Variants in SLC16A12 observed in about 807,000 individuals in gnomAD.
SLC16A12 encodes the protein monocarboxylate transporter 12.
A neutral mutation model predicts 42.4 loss-of-function variants in SLC16A12; 17 were observed. The observed-to-expected ratio is 0.40, with a 90% CI of 0.27 to 0.60. The LOEUF (loss-of-function observed/expected upper bound fraction) is 0.60, where lower values mean the gene tolerates loss of function less well. Among genes scored for constraint, SLC16A12 ranks in the 20% least tolerant of loss-of-function variants. SLC16A12 has a pLI of 0.42. For synonymous variants in SLC16A12, 224 were observed against 229.4 expected, an observed-to-expected ratio of 0.98 and a Z score of 0.21; for missense variants, 544 against 623.0, an observed-to-expected ratio of 0.87 and a Z score of 1.35.
chr10:89,545,059 A>G (rs1293035042), intron 2 of SLC16A12, among the ~76,000 whole-genome samples: 1 of 152,140 alleles, frequency 6.6e-6, no homozygotes, highest in Non-Finnish European at 1.5e-5. Context: ...CTGCACTGCT[A>G]TGAGAACAAG....
In SLC16A12 at chr10:89,526,778, C is replaced by T. The variant is rs905440184; in HGVS notation, c.-47+7723G>A. Among the ~76,000 whole-genome samples, 15 of 152,202 alleles carry T rather than the reference C, an allele frequency of 9.9e-5. No individual in the cohort carries two copies. In the East Asian group the frequency reaches 2.7e-3, roughly 27 times the overall value. On this transcript the variant is annotated intron_variant, in intron 2 of 7. Transcript: ENST00000371790. ...GGTCCGCCACCCATTGCCCTCATGCCCTGTAACACAGCTCCAGAGGTGCTC... is the reference window on the plus strand; with the variant it reads ...GGTCCGCCACCCATTGCCCTCATGCTCTGTAACACAGCTCCAGAGGTGCTC...
At position 89,438,918 on chromosome 10, in the gene SLC16A12, C is replaced by T. The variant is rs768390955; in HGVS notation, c.714G>A (p.Gln238=). The change falls in exon 6 of 8, where the codon CAG becomes CAA. Residue 238 remains glutamine, a synonymous_variant. Coordinates refer to ENST00000371790, the MANE Select transcript of SLC16A12 (RefSeq NM_213606.4). ...CTTTCTGAGTTCTACACACATGGTT[C>T]TGCTCTGGAGTTGTGTGGTCCTCTT... ...TLKEDHTTPE[Q]NHVCRTQKED... 1 of 1,614,218 alleles carries T rather than the reference C, an allele frequency of 6.2e-7. No individual in the cohort carries two copies. The highest frequency in any genetic ancestry group is 8.5e-7 in the Non-Finnish European group (1 of 1,180,032).
intron 5 of SLC16A12, among the ~76,000 whole-genome samples, chr10:89,439,734 A>G (rs1841871341): frequency 6.6e-6 from 1 of 152,164 alleles, no homozygotes; most frequent in African/African-American, 2.4e-5. Context: ...ATATCTCTTA[A>G]GGTCAGCAGA....
upstream of SLC16A12, among the ~76,000 whole-genome samples, chr10:89,536,201 C>T (rs906339118): frequency 2.0e-5 from 3 of 152,160 alleles, no homozygotes; most frequent in African/African-American, 7.2e-5. Context: ...CCCTCAGGGT[C>T]AAAGAGCAAG....
chr10:89,439,287 C>G, intron 5 of SLC16A12, 104 bp from the exon 6 acceptor site: 1 of 1,210,362 alleles, frequency 8.3e-7, no homozygotes, highest in Non-Finnish European at 1.2e-6. Context: ...TCTCATTAAA[C>G]CCTTTTAAAG....
intron 2 of SLC16A12, among the ~76,000 whole-genome samples, chr10:89,473,509 T>A (rs1038910230): frequency 6.6e-6 from 1 of 152,224 alleles, no homozygotes; most frequent in Non-Finnish European, 1.5e-5. Flanking sequence ...CAAAGGTTTT[T>A]TAGAGAGGAC....
intron 2 of SLC16A12, among the ~76,000 whole-genome samples, chr10:89,486,912 A>G (rs1276209409): frequency 6.6e-6 from 1 of 152,240 alleles, no homozygotes; most frequent in Non-Finnish European, 1.5e-5. Context: ...TCAAAAAGCA[A>G]CAGATACAGT....
intron 2 of SLC16A12, among the ~76,000 whole-genome samples, chr10:89,492,572 C>G (rs1192104732): frequency 6.6e-6 from 1 of 152,078 alleles, no homozygotes; most frequent in Non-Finnish European, 1.5e-5. Flanking sequence ...AACCCCGTCT[C>G]TACTTAAAAT....
chr10:89,504,787 T>C (rs1405138956), intron 2 of SLC16A12, among the ~76,000 whole-genome samples: 1 of 152,156 alleles, frequency 6.6e-6, no homozygotes, highest in Non-Finnish European at 1.5e-5. Context: ...GAAAGACATA[T>C]GCTGGGGCCT....
In SLC16A12 at chr10:89,502,840, A is replaced by G. The variant is rs1357934989; in HGVS notation, c.-47+31661T>C. Among the ~76,000 whole-genome samples the G allele has an allele frequency of 4.6e-5, 7 of 152,206 alleles. No individual in the cohort carries two copies. In the South Asian group the frequency reaches 1.0e-3, roughly 23 times the overall value. ...TCAGGAATTCCCCAACTTCATGTCA[A>G]CTAGGCTTCCATCTGTCCAAGGAAG... On this transcript the variant is annotated intron_variant, in intron 2 of 7. Coordinates refer to ENST00000371790, the MANE Select transcript of SLC16A12 (RefSeq NM_213606.4).
intron 2 of SLC16A12, among the ~76,000 whole-genome samples, chr10:89,527,927 A>G (rs1843482408): frequency 6.6e-6 from 1 of 152,216 alleles, no homozygotes; most frequent in Non-Finnish European, 1.5e-5. Flanking sequence ...CTCAAAAACA[A>G]TAAATCCTAA....
intron 2 of SLC16A12, among the ~76,000 whole-genome samples, chr10:89,491,642 A>G (rs1842849108): frequency 6.6e-6 from 1 of 152,150 alleles, no homozygotes; most frequent in South Asian, 2.1e-4. Flanking sequence ...GGGAGGAGGT[A>G]AGAATTGACA....
At chr10:89,445,683 T>G (rs1224926632) in intron 3 of SLC16A12, among the ~76,000 whole-genome samples, 1 of 152,138 alleles carries the variant, frequency 6.6e-6, no homozygotes, top group Non-Finnish European at 1.5e-5. Context: ...TTCTAAAAAC[T>G]GGAGCACTTC....
At chr10:89,495,347 C>T (rs553621198) in intron 2 of SLC16A12, among the ~76,000 whole-genome samples, 10 of 152,080 alleles carry the variant, frequency 6.6e-5, no homozygotes, top group East Asian at 1.9e-4. Context: ...AGCAAGACTC[C>T]GTCTCTCAAA....
intron 2 of SLC16A12, among the ~76,000 whole-genome samples, chr10:89,474,420 C>T (rs1842545252): frequency 6.6e-6 from 1 of 152,152 alleles, no homozygotes; most frequent in South Asian, 2.1e-4. Flanking sequence ...ATAAGTTCTG[C>T]CTTCACCAGG....
intron 2 of SLC16A12, among the ~76,000 whole-genome samples, chr10:89,499,345 A>T (rs1381158023): frequency 6.6e-6 from 1 of 152,198 alleles, no homozygotes; most frequent in African/African-American, 2.4e-5. Flanking sequence ...ACCTGAGGTC[A>T]GGAGTTCAAG....
chr10:89,503,973 T>C (rs1843024217), intron 2 of SLC16A12, among the ~76,000 whole-genome samples: 1 of 152,170 alleles, frequency 6.6e-6, no homozygotes, highest in Non-Finnish European at 1.5e-5. Flanking sequence ...GAAGACATGT[T>C]GAGAGGAAAT....
chr10:89,535,791 G>C (rs1366424563), upstream of SLC16A12, among the ~76,000 whole-genome samples: 1 of 152,118 alleles, frequency 6.6e-6, no homozygotes, highest in East Asian at 1.9e-4. Flanking sequence ...CCCAGGCTGC[G>C]CGATCCGCGC....
chr10:89,534,197 C>T (rs2133875139), intron 2 of SLC16A12, among the ~76,000 whole-genome samples: 1 of 152,296 alleles, frequency 6.6e-6, no homozygotes, highest in African/African-American at 2.4e-5. Flanking sequence ...AGCAAACATC[C>T]GGTCACCTTG....
Sources: gnomAD v4.1 joint callset for allele counts (sites outside exome capture counted in the v4.1 genomes callset) on GRCh38, gnomAD v4.1.1 for gene constraint, MANE v1.5 for transcripts, NCBI Gene and HGNC (gene_info 2026-07-23, HGNC 2026-07-21) for gene names.